The following ANK2 variants were observed in gnomAD, a reference collection of about 807,000 sequenced individuals.
The protein encoded by ANK2 is ankyrin 2, also known as ankyrin-2.
Under a neutral mutation model 360.5 loss-of-function variants are expected in ANK2, and 83 were observed. The ratio of observed to expected loss-of-function variants is 0.23; its 90% confidence interval spans 0.19 to 0.28. ANK2 has a LOEUF of 0.28. Among genes scored for constraint, ANK2 ranks in the 10% least tolerant of loss-of-function variants. ANK2 has a pLI of 1.00. For missense variants in ANK2, 4,201 were observed against 4,795.7 expected (o/e 0.88, Z 3.66); for synonymous variants, 1,740 against 1,759.5 (o/e 0.99, Z 0.28).
intron 1 of ANK2, among the ~76,000 whole-genome samples, chr4:112,859,337 A>G (rs1352733111): frequency 6.6e-6 from 1 of 152,236 alleles, no homozygotes; most frequent in Non-Finnish European, 1.5e-5. Context: ...TGTATTTTAC[A>G]TAAGATAATT....
At chr4:113,215,503 T>C (rs1017712915) in intron 4 of ANK2, among the ~76,000 whole-genome samples, 4 of 152,266 alleles carry the variant, frequency 2.6e-5, no homozygotes, top group Middle Eastern at 3.4e-3. Context: ...TAATTCTCCA[T>C]TGAGACTGAG....
the ANK2 span, among the ~76,000 whole-genome samples, chr4:112,732,305 A>AGTGGCATGATC: frequency 6.8e-6 from 1 of 146,806 alleles, no homozygotes; most frequent in Non-Finnish European, 1.5e-5. Flanking sequence ...GCTGGAGTGC[A>AGTGGCATGATC]GTGGCATGAT....
rs1306812632 is a variant in ANK2, at chr4:113,358,460, A to G, written c.9842A>G (p.Gln3281Arg). The change falls in exon 38 of 46, where the codon CAG (glutamine) becomes CGG (arginine). Residue 3281 changes from glutamine (Q) to arginine (R), a missense_variant. This residue lies in a region of ANK2 where 2,642 missense variants were observed against 2,714.5 expected (regional missense o/e 0.97). Transcript: ENST00000357077. ...DDSPDSSPEE[Q>R]KSVIEIPTAP... ...TCTCCCGATTCTTCCCCAGAAGAAC[A>G]GAAATCAGTAATCGAGATTCCTACT... 1.5e-5 allele frequency: 25 copies of G among 1,614,038 alleles called. No homozygotes were observed. In the Admixed American group the frequency reaches 2.5e-4, roughly 16 times the overall value.
At chr4:113,102,656 G>T (rs1197338080) in intron 1 of ANK2, among the ~76,000 whole-genome samples, 1 of 152,112 alleles carries the variant, frequency 6.6e-6, no homozygotes, top group Non-Finnish European at 1.5e-5. Flanking sequence ...AATTCCAAAA[G>T]AAGGAAGAAT....
rs751313124 is a variant in ANK2 at position 113,336,629 on chromosome 4, C to T, written c.3644C>T (p.Thr1215Ile). ...LVKKILGNKA[T>I]FSPIVTLEPR... ...AAGAAGATCCTAGGCAACAAAGCTACCTTCAGCCCTATAGTCACTTTGGAA... is the reference window on the plus strand; with the variant it reads ...AAGAAGATCCTAGGCAACAAAGCTATCTTCAGCCCTATAGTCACTTTGGAA... The change falls in exon 31 of 46, where the codon ACC becomes ATC. Residue 1215 changes from threonine to isoleucine, a missense_variant. Around this residue, in one of 4 missense-constraint regions of ANK2, gnomAD observed 1,268 missense variants for 1,650.8 expected, o/e 0.77. Coordinates refer to ENST00000357077, the MANE Select transcript of ANK2 (RefSeq NM_001148.6). 3 of 1,614,014 alleles carry T rather than the reference C, an allele frequency of 1.9e-6. No homozygotes were observed. The highest frequency in any genetic ancestry group is 1.7e-5 in the Admixed American group (1 of 59,998).
chr4:112,738,626 C>T, the ANK2 span: 1 of 544,178 alleles, frequency 1.8e-6, no homozygotes, highest in Non-Finnish European at 3.6e-6. Flanking sequence ...TCTAGCTCTT[C>T]CTCTGGGCTG....
intron 14 of ANK2, among the ~76,000 whole-genome samples, chr4:113,266,246 G>C (rs2055965913): frequency 6.6e-6 from 1 of 152,102 alleles, no homozygotes; most frequent in Non-Finnish European, 1.5e-5. Context: ...TGAGAATGAT[G>C]GCTTCCAGCT....
chr4:112,826,160 T>A, intron 1 of ANK2: 1 of 274,516 alleles, frequency 3.6e-6, no homozygotes, highest in South Asian at 5.3e-5. Flanking sequence ...TTAGGGACAT[T>A]TCACAGATGG....
intron 14 of ANK2, among the ~76,000 whole-genome samples, chr4:113,271,765 A>T (rs2058636968): frequency 6.6e-6 from 1 of 152,208 alleles, no homozygotes; most frequent in Non-Finnish European, 1.5e-5. Flanking sequence ...CACGCAGAAC[A>T]CTCTATTCAC....
chr4:112,878,556 C>T (rs2075822881), intron 1 of ANK2, among the ~76,000 whole-genome samples: 2 of 152,100 alleles, frequency 1.3e-5, no homozygotes, highest in African/African-American at 4.8e-5. Flanking sequence ...AAACTCCTGA[C>T]CTCAGGTGAT....
intron 26 of ANK2, among the ~76,000 whole-genome samples, chr4:113,321,117 T>G (rs930639954): frequency 4.6e-5 from 7 of 152,342 alleles, no homozygotes; most frequent in South Asian, 4.1e-4. Context: ...GTATGTGACA[T>G]CAGGCACAGT....
intron 1 of ANK2, among the ~76,000 whole-genome samples, chr4:113,090,832 G>A (rs2087599301): frequency 6.6e-6 from 1 of 152,212 alleles, no homozygotes; most frequent in South Asian, 2.1e-4. Flanking sequence ...CGAGGCACAT[G>A]CAACCTGGTT....
chr4:113,163,764 CAAAAAAAAAAAAAAAAAAAAAA>C (rs1158530849), intron 1 of ANK2, among the ~76,000 whole-genome samples: 1 of 55,046 alleles, frequency 1.8e-5, no homozygotes, highest in Non-Finnish European at 3.8e-5. Context: ...AACTTCGTCT[CAAAAAAAAAAAAAAAAAAAAAA>C]AAAAAAGAAA....
At chr4:113,089,749 G>A (rs2086802198) in intron 1 of ANK2, among the ~76,000 whole-genome samples, 1 of 152,024 alleles carries the variant, frequency 6.6e-6, no homozygotes, top group African/African-American at 2.4e-5. Flanking sequence ...GCTTGAACCC[G>A]GGAGGCGGAA....
chr4:112,892,962 A>AT (rs143072640), intron 1 of ANK2, among the ~76,000 whole-genome samples: 4,174 of 152,210 alleles, frequency 0.027, 183 homozygotes, highest in African/African-American at 0.092. Flanking sequence ...CTAAAAATAT[A>AT]TTTTTATAAG....
chr4:112,998,808 A>T (rs2049567711), intron 2 of ANK2, among the ~76,000 whole-genome samples: 1 of 152,226 alleles, frequency 6.6e-6, no homozygotes. Context: ...ATGTTTGATC[A>T]CAGCACCCTT....
chr4:113,217,529 C>T (rs780114157), intron 4 of ANK2, among the ~76,000 whole-genome samples: 5 of 152,146 alleles, frequency 3.3e-5, no homozygotes, highest in Non-Finnish European at 7.3e-5. Flanking sequence ...CCATGAGCAG[C>T]GGATGGTTTC....
chr4:112,725,008 C>T, the ANK2 span, among the ~76,000 whole-genome samples: 3 of 152,056 alleles, frequency 2.0e-5, no homozygotes, highest in East Asian at 1.9e-4. Flanking sequence ...AGCCGGGTGC[C>T]GTGGCTCACG....
chr4:112,935,381 T>C (rs1413344657), intron 2 of ANK2, among the ~76,000 whole-genome samples: 1 of 152,226 alleles, frequency 6.6e-6, no homozygotes, highest in Admixed American at 6.5e-5. Context: ...GAATCACTAT[T>C]CTTTGAGTCC....
Sources: gnomAD v4.1 joint callset for allele counts (sites outside exome capture counted in the v4.1 genomes callset) on GRCh38, gnomAD v4.1.1 for gene constraint, gnomAD v4.1.1 regional missense constraint, MANE v1.5 for transcripts, NCBI Gene and HGNC (gene_info 2026-07-23, HGNC 2026-07-21) for gene names.